ITPR1: variants seen among roughly 807,000 people sequenced by gnomAD.
ITPR1 encodes the protein inositol 1,4,5-trisphosphate receptor type 1, also known as inositol 1,4,5-trisphosphate-gated calcium channel ITPR1.
A neutral mutation model predicts 318.4 loss-of-function variants in ITPR1; 96 were observed. The observed-to-expected ratio is 0.30, with a 90% confidence interval of 0.26 to 0.36. ITPR1 has a LOEUF of 0.36. Ranked by LOEUF, ITPR1 falls within the 10% of genes least tolerant of loss-of-function variation. The pLI is 1.00. For missense variants in ITPR1, 2,440 were observed against 3,460.2 expected, an observed-to-expected ratio of 0.71 and a Z score of 7.40; for synonymous variants, 1,312 against 1,289.9, an observed-to-expected ratio of 1.02 and a Z score of -0.37.
chr3:4,800,572 C>T lies in ITPR1; in HGVS notation c.7079C>T (p.Pro2360Leu). The change falls in exon 54 of 62, where the codon CCC (proline) becomes CTC (leucine). Residue 2360 changes from proline to leucine, a missense_variant. Around this residue, in one of 23 missense-constraint regions of ITPR1, gnomAD observed 126 missense variants for 150.8 expected, o/e 0.84. Transcript: ENST00000649015. Reference protein sequence around the residue: ...LRLIFSVGLQPTLFLLGAFNV... With the variant: ...LRLIFSVGLQLTLFLLGAFNV... The stretch of plus-strand genomic sequence containing the variant: ...CTGATATTTTCAGTCGGGTTACAAC[C>T]CACGTTGTTTCTTCTGGGCGCTTTC... 1 of 1,614,046 alleles carries T rather than the reference C, an allele frequency of 6.2e-7. No homozygotes were observed. Among genetic ancestry groups the T allele is most frequent in the South Asian group, 1.1e-5 (1 of 91,084 alleles).
rs532722985 is a variant in ITPR1, at chr3:4,696,769, G to A, written c.4282-378G>A. Among the ~76,000 whole-genome samples, 73 of 147,362 alleles carry A rather than the reference G, an allele frequency of 5.0e-4. 1 individual carries two copies. Among genetic ancestry groups the A allele is most frequent in the African/African-American group, 1.7e-3 (68 of 40,188 alleles). On this transcript the variant is annotated intron_variant, in intron 33 of 61. Coordinates refer to ENST00000649015, the MANE Select transcript of ITPR1 (RefSeq NM_001378452.1). Reference sequence around the variant, plus strand: ...TTCTCTGGGGGTATCTATCATATAAGCACAGATCTAGGGGCATTCTTCATT... The same window carrying A: ...TTCTCTGGGGGTATCTATCATATAAACACAGATCTAGGGGCATTCTTCATT...
At chr3:4,829,653 A>G (rs931275027) in intron 60 of ITPR1, among the ~76,000 whole-genome samples, 1 of 151,984 alleles carries the variant, frequency 6.6e-6, no homozygotes, top group African/African-American at 2.4e-5. Flanking sequence ...GTTTTGTATT[A>G]TTGTGGCCTG....
At chr3:4,588,057 G>A (rs1319283955) in intron 4 of ITPR1, among the ~76,000 whole-genome samples, 2 of 152,086 alleles carry the variant, frequency 1.3e-5, no homozygotes, top group African/African-American at 4.8e-5. Context: ...AAATCACAAA[G>A]TCCTCAAAGA....
At position 4,683,701 on chromosome 3, in the gene ITPR1, C is replaced by T; in HGVS notation, c.3401C>T (p.Ser1134Phe). The change falls in exon 28 of 62, where the codon TCC (serine) becomes TTC (phenylalanine). Residue 1134 changes from serine to phenylalanine, a missense_variant. Ser to Phe is a radical substitution (Grantham distance 155). Around this residue, in one of 23 missense-constraint regions of ITPR1, gnomAD observed 76 missense variants for 132.2 expected, o/e 0.58. Transcript: ENST00000649015. ...AAACAAGACTTGGATCAACTGAGGT[C>T]CATCGTGGAAAAGTCAGAGCTTTGG... Reference protein sequence around the residue: ...QIKQDLDQLRSIVEKSELWVY... With the variant: ...QIKQDLDQLRFIVEKSELWVY... 1 of 1,613,976 alleles carries T rather than the reference C, an allele frequency of 6.2e-7. No individual in the cohort carries two copies. The highest frequency in any genetic ancestry group is 2.2e-5 in the East Asian group (1 of 44,880).
chr3:4,846,171 T>G lies in ITPR1; in HGVS notation c.8223T>G (p.Ile2741Met). 2 of 1,568,364 alleles carry G rather than the reference T, an allele frequency of 1.3e-6. No homozygotes were observed. The highest frequency in any genetic ancestry group is 1.7e-6 in the Non-Finnish European group (2 of 1,155,754). ...MTEQRKQKQR[I>M]GLLGHPPHMN... is the part of the protein sequence containing the mutation. ...AACAAAGGAAGCAGAAACAAAGAAT[T>G]GGTCTTCTAGGACATCCTCCTCACA... Residue 2741 changes from isoleucine to methionine, a missense_variant, in exon 62 of 62, where the codon ATT becomes ATG. By Grantham distance (10) the Ile-to-Met change is conservative (BLOSUM62 1). Transcript: ENST00000649015.
At chr3:4,669,881 G>T in intron 19 of ITPR1, 108 bp downstream of exon 19, 2 of 1,128,660 alleles carry the variant, frequency 1.8e-6, no homozygotes, top group South Asian at 2.4e-5. Flanking sequence ...TCTAAAGTCA[G>T]TGTGGCTGGC....
intron 35 of ITPR1, among the ~76,000 whole-genome samples, chr3:4,701,942 G>A (rs1280284494): frequency 1.3e-5 from 2 of 151,956 alleles, no homozygotes; most frequent in African/African-American, 2.4e-5. Context: ...CCTCTTTCGG[G>A]GTTTTCAATA....
chr3:4,801,316 G>A (rs188189063), intron 54 of ITPR1, among the ~76,000 whole-genome samples: 49 of 152,278 alleles, frequency 3.2e-4, no homozygotes, highest in Non-Finnish European at 2.9e-4. Flanking sequence ...TGCAAAACTG[G>A]AAGTGATATC....
intron 4 of ITPR1, among the ~76,000 whole-genome samples, chr3:4,618,416 G>A (rs1272974696): frequency 6.6e-6 from 1 of 152,118 alleles, no homozygotes; most frequent in African/African-American, 2.4e-5. Context: ...GTTATTGTTA[G>A]CTTTGTGACA....
intron 5 of ITPR1, among the ~76,000 whole-genome samples, chr3:4,633,163 C>G (rs1051710259): frequency 1.3e-5 from 2 of 152,072 alleles, no homozygotes; most frequent in African/African-American, 4.8e-5. Context: ...GTCTCGATCT[C>G]CTGAACTCAT....
chr3:4,655,291 G>C lies in ITPR1; in HGVS notation c.996+1405G>C, dbSNP rs4538362. ...TTACCTCTGAGATTAGGCAAGCTGTGGATCCTTTCGGTGAGCGCTGATGTC... is the reference window on the plus strand; with the variant it reads ...TTACCTCTGAGATTAGGCAAGCTGTCGATCCTTTCGGTGAGCGCTGATGTC... On this transcript the variant is annotated intron_variant, in intron 12 of 61. Transcript: ENST00000649015. Among the ~76,000 whole-genome samples, 762 of 152,246 alleles carry C rather than the reference G, an allele frequency of 5.0e-3. 8 individuals are homozygous for C. Among genetic ancestry groups the C allele is most frequent in the Middle Eastern group, 0.027 (8 of 292 alleles).
At chr3:4,644,355 T>C in intron 8 of ITPR1, 121 bp downstream of exon 8, 1 of 658,952 alleles carries the variant, frequency 1.5e-6, no homozygotes, top group Non-Finnish European at 2.7e-6. Flanking sequence ...GTGCCCATTC[T>C]GCAGGTGAAG....
At chr3:4,794,869 G>A (rs1338342955) in intron 52 of ITPR1, 196 bp from the exon 53 acceptor site, 1 of 542,642 alleles carries the variant, frequency 1.8e-6, no homozygotes, top group Admixed American at 3.5e-5. Context: ...GTTCCAGTAA[G>A]TACTCCACAC....
rs1019169021 is a variant in ITPR1, at chr3:4,504,486, C to A, written c.-17+9980C>A. On this transcript the variant is annotated intron_variant, in intron 2 of 61. Transcript: ENST00000649015. Reference sequence around the variant, plus strand: ...AAGCATAATACAATTTTCTATGCTCCCAGAGAAGTGCTTTTTGCAAGAGAA... The same window carrying A: ...AAGCATAATACAATTTTCTATGCTCACAGAGAAGTGCTTTTTGCAAGAGAA... Among the ~76,000 whole-genome samples, 10 of 152,210 alleles carry A rather than the reference C, an allele frequency of 6.6e-5. No individual in the cohort carries two copies. The East Asian group carries it at 1.5e-3, about 24-fold the overall frequency.
chr3:4,717,157 G>A (rs535207399), intron 39 of ITPR1, among the ~76,000 whole-genome samples: 70 of 152,312 alleles, frequency 4.6e-4, no homozygotes, highest in South Asian at 2.5e-3. Context: ...TGAATAAAGC[G>A]TGGCAGCATC....
intron 2 of ITPR1, among the ~76,000 whole-genome samples, chr3:4,509,989 T>A (rs2081679263): frequency 6.6e-6 from 1 of 152,176 alleles, no homozygotes; most frequent in Non-Finnish European, 1.5e-5. Context: ...AACAAGTGAA[T>A]AAGCAATGTT....
In ITPR1 at chr3:4,693,486, G is replaced by T; in HGVS notation, c.4030-4G>T. 6.2e-7 allele frequency: 1 copy of T among 1,612,854 alleles called. No homozygotes were observed. ...AATCTAAACCCACCCTGTTCTTTAT[G>T]TAGCTGGTCAATTCGGGAGAGGATG... On this transcript the variant is annotated splice_polypyrimidine_tract_variant and splice_region_variant and intron_variant, in intron 32 of 61. Coordinates refer to ENST00000649015, the MANE Select transcript of ITPR1 (RefSeq NM_001378452.1).
intron 4 of ITPR1, among the ~76,000 whole-genome samples, chr3:4,525,163 G>C (rs73807286): frequency 0.11 from 16,606 of 152,110 alleles, 933 homozygotes; most frequent in Middle Eastern, 0.15. Context: ...CCCAGTGCTC[G>C]TGTATGCAAG....
intron 41 of ITPR1, among the ~76,000 whole-genome samples, chr3:4,726,428 A>G (rs2042522232): frequency 6.6e-6 from 1 of 152,190 alleles, no homozygotes. Context: ...GTAAGATCAT[A>G]GAGAAGCTTT....
Sources: allele counts gnomAD v4.1 joint callset (sites outside exome capture counted in the v4.1 genomes callset), GRCh38; gene constraint gnomAD v4.1.1; regional missense constraint gnomAD v4.1.1; transcripts MANE v1.5; gene names NCBI Gene and HGNC (gene_info 2026-07-23, HGNC 2026-07-21).